The following ZAP70 variants were observed in gnomAD, a reference collection of about 807,000 sequenced individuals.
ZAP70 encodes the protein zeta chain of T cell receptor associated protein kinase 70.
In ZAP70, 27 loss-of-function variants were observed where a neutral mutation model predicts 65.8. That is an observed-to-expected ratio of 0.41 (90% CI 0.30 to 0.57). The LOEUF is 0.57. ZAP70 is among the 20% of genes least tolerant of loss of function. The pLI is 0.28. For missense variants in ZAP70, 696 were observed against 870.5 expected (o/e 0.80, Z 2.52); for synonymous variants, 363 against 360.8 (o/e 1.01, Z -0.07).
In ZAP70 at chr2:97,735,469, TGG is replaced by T; in HGVS notation, c.1289+15_1289+16del. On this transcript the variant is annotated intron_variant, in intron 10 of 13. Transcript: ENST00000264972. ...TGGTCGGCAAGAGGTGAGCACCGGG[TGG>T]GCCCGGCCATCGGGTGGGTGGGGCC... is the stretch of plus-strand genomic sequence containing the variant. The T allele has an allele frequency of 6.3e-7, 1 of 1,589,872 alleles. No homozygotes were observed. Among genetic ancestry groups the T allele is most frequent in the Non-Finnish European group, 8.6e-7 (1 of 1,166,430 alleles).
chr2:97,735,673 C>CTA (rs918616457), intron 10 of ZAP70, among the ~76,000 whole-genome samples: 3 of 152,254 alleles, frequency 2.0e-5, no homozygotes, highest in African/African-American at 7.2e-5. Context: ...ATAACAGTGT[C>CTA]TACCTCCAGG....
intron 2 of ZAP70, among the ~76,000 whole-genome samples, chr2:97,722,778 G>T (rs1364877955): frequency 6.6e-6 from 1 of 152,224 alleles, no homozygotes; most frequent in Non-Finnish European, 1.5e-5. Context: ...CTATCTGGCT[G>T]TCTATCCTTT....
Position 97,717,436 on chromosome 2 carries a change from G to GGAGCCTCT in ZAP70, c.-22+3444_-22+3451dup, listed in dbSNP as rs1388391841. ...TGAGCCTCTGGCTGGGGTGACATGTGGAGCCTCTGGCTGGGGGGACACGAG... is the reference window on the plus strand; with the variant it reads ...TGAGCCTCTGGCTGGGGTGACATGTGGAGCCTCTGAGCCTCTGGCTGGGGGGACACGAG... On this transcript the variant is annotated intron_variant, in intron 2 of 13. Transcript: ENST00000264972. Among the ~76,000 whole-genome samples, 4 of 148,714 alleles carry GGAGCCTCT rather than the reference G, an allele frequency of 2.7e-5. 1 individual carries two copies. Among genetic ancestry groups the GGAGCCTCT allele is most frequent in the East Asian group, 2.0e-4 (1 of 5,056 alleles).
chr2:97,750,638 A>G, the ZAP70 span, among the ~76,000 whole-genome samples: 1 of 152,242 alleles, frequency 6.6e-6, no homozygotes, highest in Non-Finnish European at 1.5e-5. Context: ...AAGGGCCTAG[A>G]GCGCCTCCAG....
intron 9 of ZAP70, chr2:97,734,999 G>T: frequency 1.5e-6 from 1 of 647,186 alleles, no homozygotes; most frequent in South Asian, 1.9e-5. Flanking sequence ...CTGACAGGCT[G>T]CCCCTGGGGA....
At chr2:97,732,590 G>A (rs1456532357) in intron 4 of ZAP70, 1 of 510,994 alleles carries the variant, frequency 2.0e-6, no homozygotes, top group Non-Finnish European at 3.6e-6. Context: ...TCCGTGGCTG[G>A]GTGTCCACCG....
rs762428344 is a variant in ZAP70 at position 97,734,544 on chromosome 2, C to T, written c.914C>T (p.Pro305Leu). 1.4e-5 allele frequency: 23 copies of T among 1,613,912 alleles called. No individual in the cohort carries two copies. Among genetic ancestry groups the T allele is most frequent in the African/African-American group, 2.7e-5 (2 of 74,942 alleles). ...GCACGCATAACGTCCCCAGACAAAC[C>T]GCGGCCGATGCCCATGGACACGAGC... ...EPARITSPDKPRPMPMDTSVY... is the reference protein window; with the variant it reads ...EPARITSPDKLRPMPMDTSVY... The change falls in exon 9 of 14, where the codon CCG (proline) becomes CTG (leucine). Residue 305 changes from proline (P) to leucine (L), a missense_variant. This residue lies in a region of ZAP70 where 551 missense variants were observed against 630.0 expected (regional missense o/e 0.87). Transcript: ENST00000264972.
At position 97,724,137 on chromosome 2, in the gene ZAP70, TC is replaced by T; in HGVS notation, c.103del (p.Leu35CysfsTer134). 5 of 1,568,066 alleles carry T rather than the reference TC, an allele frequency of 3.2e-6. No individual in the cohort carries two copies. Among genetic ancestry groups the T allele is most frequent in the Non-Finnish European group, 4.3e-6 (5 of 1,159,054 alleles). ...LKLAGMADGL[F>X]LLRQCLRSLG... is the part of the protein sequence containing the mutation. Reference sequence around the variant, plus strand: ...CTGGCGGGCATGGCGGACGGGCTCTTCCTGCTGCGCCAGTGCCTGCGCTCGC... The same window carrying T: ...CTGGCGGGCATGGCGGACGGGCTCTTCTGCTGCGCCAGTGCCTGCGCTCGC... On this transcript the variant is annotated frameshift_variant, in exon 3 of 14. Coordinates refer to ENST00000264972, the MANE Select transcript of ZAP70 (RefSeq NM_001079.4). LOFTEE classifies it high-confidence loss of function.
At chr2:97,742,905 C>G (rs1257584028), downstream of ZAP70, among the ~76,000 whole-genome samples, 2 of 152,198 alleles carry the variant, frequency 1.3e-5, no homozygotes, top group Non-Finnish European at 2.9e-5. Flanking sequence ...CTTCATTTAA[C>G]AAACTCCTCT....
chr2:97,739,236 G>A, intron 13 of ZAP70, 139 bp from the exon 14 acceptor site: 2 of 1,363,186 alleles, frequency 1.5e-6, no homozygotes, highest in Non-Finnish European at 9.9e-7. Context: ...ACCACCCAAT[G>A]TCCCGCCACC....
intron 4 of ZAP70, among the ~76,000 whole-genome samples, chr2:97,728,333 C>T (rs948952462): frequency 6.6e-6 from 1 of 152,178 alleles, no homozygotes; most frequent in Non-Finnish European, 1.5e-5. Flanking sequence ...CAGCATAGAG[C>T]GTGTGGCTGG....
the ZAP70 span, among the ~76,000 whole-genome samples, chr2:97,747,819 T>TG: frequency 8.4e-6 from 1 of 118,502 alleles, no homozygotes; most frequent in South Asian, 3.1e-4. Context: ...CACGAGGTTT[T>TG]TTTTTTTTTT....
chr2:97,741,154 C>T (rs937619827), downstream of ZAP70, among the ~76,000 whole-genome samples: 1 of 152,160 alleles, frequency 6.6e-6, no homozygotes, highest in Admixed American at 6.5e-5. Flanking sequence ...AGGCTAGAAG[C>T]AAGGAGCCAG....
chr2:97,724,344 A>C lies in ZAP70; in HGVS notation c.308A>C (p.Asn103Thr), dbSNP rs56264206. Residue 103 changes from asparagine (N) to threonine (T), a missense_variant, in exon 3 of 14, where the codon AAC (asparagine) becomes ACC (threonine). Asn to Thr is a moderately conservative substitution (Grantham distance 65). Transcript: ENST00000264972. ...GLPCNLRKPC[N>T]RPSGLEPQPG... ...CCCTGCAACCTGCGCAAGCCGTGCA[A>C]CCGGCCGTCGGGCCTCGAGCCGCAG... The C allele has an allele frequency of 7.7e-6, 12 of 1,559,196 alleles. No homozygotes were observed. Among genetic ancestry groups the C allele is most frequent in the Non-Finnish European group, 9.5e-6 (11 of 1,152,348 alleles).
At chr2:97,732,630 C>T (rs1216988579) in intron 4 of ZAP70, 8 of 588,740 alleles carry the variant, frequency 1.4e-5, no homozygotes, top group African/African-American at 1.9e-5. Context: ...CGTGAATGGC[C>T]ATCTGTTGGC....
chr2:97,721,263 T>C (rs964482547), intron 2 of ZAP70, among the ~76,000 whole-genome samples: 1 of 152,240 alleles, frequency 6.6e-6, no homozygotes, highest in Non-Finnish European at 1.5e-5. Context: ...TTTGCCTACT[T>C]GTTAAATTTA....
At chr2:97,732,815 G>A (rs1179754083) in intron 4 of ZAP70, 68 bp from the exon 5 acceptor site, 1 of 1,604,212 alleles carries the variant, frequency 6.2e-7, no homozygotes, top group Non-Finnish European at 8.5e-7. Context: ...GTGTTGCGGG[G>A]GAACCGGGGC....
In ZAP70 at chr2:97,737,715, G is replaced by A; in HGVS notation, c.1483-42G>A. ...CGACTGGATGGGCTGGGTGGGTAGA[G>A]GGTCCCTGACCCCTGATCCAGCAGC... On this transcript the variant is annotated intron_variant, in intron 11 of 13. Coordinates refer to ENST00000264972, the MANE Select transcript of ZAP70 (RefSeq NM_001079.4). The surrounding 1 kb of genome is among the most constrained non-coding windows in gnomAD (Gnocchi z 5.0). The A allele has an allele frequency of 2.5e-6, 4 of 1,614,110 alleles. No individual in the cohort carries two copies. Among genetic ancestry groups the A allele is most frequent in the Non-Finnish European group, 3.4e-6 (4 of 1,180,000 alleles).
intron 2 of ZAP70, among the ~76,000 whole-genome samples, chr2:97,718,366 C>T (rs569576085): frequency 3.9e-5 from 6 of 152,320 alleles, no homozygotes; most frequent in South Asian, 4.1e-4. Context: ...CTCTTGCCCC[C>T]GGACTTTTCA....
Sources: gnomAD v4.1 joint callset for allele counts (sites outside exome capture counted in the v4.1 genomes callset) on GRCh38, gnomAD v4.1.1 for gene constraint, gnomAD v4.1.1 regional missense constraint, Gnocchi (gnomAD v3.1) non-coding constraint, MANE v1.5 for transcripts, NCBI Gene and HGNC (gene_info 2026-07-23, HGNC 2026-07-21) for gene names.